Variants in EYS observed in about 807,000 individuals in gnomAD.
The protein encoded by EYS is protein eyes shut homolog.
A neutral mutation model predicts 282.1 loss-of-function variants in EYS; 250 were observed. The ratio of observed to expected loss-of-function variants is 0.89; its 90% CI spans 0.80 to 0.98. The LOEUF (loss-of-function observed/expected upper bound fraction) is 0.98, where lower values mean the gene tolerates loss of function less well. Ranked by LOEUF, EYS falls within the 50% of genes least tolerant of loss-of-function variation. EYS has a pLI of 0.00. For synonymous variants in EYS, 1,355 were observed against 1,282.9 expected, an observed-to-expected ratio of 1.06 and a Z score of -1.20; for missense variants, 4,016 against 3,709.0, an observed-to-expected ratio of 1.08 and a Z score of -2.15.
At chr6:65,026,428 G>A (rs1772409900) in intron 13 of EYS, among the ~76,000 whole-genome samples, 1 of 152,006 alleles carries the variant, frequency 6.6e-6, no homozygotes, top group Non-Finnish European at 1.5e-5. Context: ...AGGGACTCAT[G>A]AAAAAAAGAC....
chr6:64,488,530 C>T (rs1190978484), intron 26 of EYS, among the ~76,000 whole-genome samples: 1 of 151,064 alleles, frequency 6.6e-6, no homozygotes, highest in African/African-American at 2.4e-5. Context: ...ATTTATAAGA[C>T]ACTCTGCCAT....
intron 29 of EYS, among the ~76,000 whole-genome samples, chr6:64,333,147 A>C (rs934956424): frequency 6.6e-6 from 1 of 151,450 alleles, no homozygotes. Context: ...GTGATCCTGG[A>C]AACAGGCAGC....
intron 22 of EYS, among the ~76,000 whole-genome samples, chr6:64,652,176 A>G (rs578081397): frequency 3.9e-4 from 59 of 152,244 alleles, no homozygotes; most frequent in Non-Finnish European, 6.8e-4. Context: ...ACAGTCATGT[A>G]TATAATCTTC....
intron 2 of EYS, among the ~76,000 whole-genome samples, chr6:65,578,346 T>C (rs1025912246): frequency 4.6e-5 from 7 of 151,754 alleles, no homozygotes; most frequent in African/African-American, 1.7e-4. Context: ...AAATACTGCA[T>C]GATCCTACTT....
At position 64,822,701 on chromosome 6, in the gene EYS, G is replaced by C; in HGVS notation, c.3114C>G (p.His1038Gln). The C allele has an allele frequency of 6.5e-7, 1 of 1,548,544 alleles. No homozygotes were observed. Among genetic ancestry groups the C allele is most frequent in the Non-Finnish European group, 8.7e-7 (1 of 1,145,644 alleles). The change falls in exon 20 of 43, where the codon CAC (histidine) becomes CAG (glutamine). Residue 1038 changes from histidine to glutamine, a missense_variant. Transcript: ENST00000503581. ...GGCAATCATTGGCGTTTGTTTCACA[G>C]TGTGTTCCAAAAAACCCACTCTTGC... ...CDCKSGFFGT[H>Q]CETNANDCLS... is the part of the protein sequence containing the mutation.
chr6:65,153,363 ATGTGTGTG>A (rs67661407), intron 12 of EYS, among the ~76,000 whole-genome samples: 16,565 of 135,712 alleles, frequency 0.12, 1,133 homozygotes, highest in African/African-American at 0.19. Context: ...GAGATCATAA[ATGTGTGTG>A]TGTGTGTGTG....
intron 35 of EYS, among the ~76,000 whole-genome samples, chr6:63,942,785 G>A (rs1309399280): frequency 6.6e-6 from 1 of 152,022 alleles, no homozygotes; most frequent in Non-Finnish European, 1.5e-5. Context: ...TGTCTCTCCT[G>A]CCTCCCCTTC....
rs191691487 is a variant in EYS at position 64,285,366 on chromosome 6, G to A, written c.6191+21604C>T. Among the ~76,000 whole-genome samples the A allele has an allele frequency of 2.8e-3, 422 of 152,240 alleles. 2 individuals carry two copies. The highest frequency in any genetic ancestry group is 9.1e-3 in the African/African-American group (378 of 41,542). On this transcript the variant is annotated intron_variant, in intron 30 of 42. Coordinates refer to ENST00000503581, the MANE Select transcript of EYS (RefSeq NM_001142800.2). ...ATCTCTAGGGCAGGGGCAAAATGCC[G>A]CCAGTCTCTTTGATAAAACATAACA...
intron 33 of EYS, among the ~76,000 whole-genome samples, chr6:64,046,683 G>T (rs190785467): frequency 6.6e-6 from 1 of 152,034 alleles, no homozygotes; most frequent in African/African-American, 2.4e-5. Context: ...CAACTGAATT[G>T]TAAGTGCTGC....
chr6:65,590,008 C>T (rs571416058), intron 2 of EYS, among the ~76,000 whole-genome samples: 15 of 151,812 alleles, frequency 9.9e-5, no homozygotes, highest in African/African-American at 2.2e-4. Context: ...GCAAAATGAA[C>T]GCGTTGGACA....
intron 29 of EYS, among the ~76,000 whole-genome samples, chr6:64,310,753 A>G (rs1006049118): frequency 5.8e-5 from 7 of 119,690 alleles, no homozygotes; most frequent in African/African-American, 1.6e-4. Context: ...AAGAAAAAAC[A>G]TATTTTAAAA....
Position 64,465,510 on chromosome 6 carries a change from C to A in EYS, c.5645-26158G>T, listed in dbSNP as rs143807243. Among the ~76,000 whole-genome samples the A allele has an allele frequency of 1.3e-3, 196 of 152,182 alleles. 1 individual carries two copies. The highest frequency in any genetic ancestry group is 1.1e-3 in the Non-Finnish European group (73 of 67,932). ...AAAGATGTCAAGGAAAGAATGATAT[C>A]TTTTATAAATGGTGTTGAGGAAAGT... On this transcript the variant is annotated intron_variant, in intron 26 of 42. Coordinates refer to ENST00000503581, the MANE Select transcript of EYS (RefSeq NM_001142800.2).
In EYS at chr6:64,230,620, T is replaced by C. The variant is rs1442251335; in HGVS notation, c.6396A>G (p.Leu2132=). 30 of 1,551,082 alleles carry C rather than the reference T, an allele frequency of 1.9e-5. No individual in the cohort carries two copies. The highest frequency in any genetic ancestry group is 1.7e-5 in the Non-Finnish European group (19 of 1,146,550). Residue 2132 remains leucine (L), a synonymous_variant, in exon 31 of 43, where the codon CTA becomes CTG. Coordinates refer to ENST00000503581, the MANE Select transcript of EYS (RefSeq NM_001142800.2). The stretch of plus-strand genomic sequence containing the variant: ...TTTCACAGAAGCGGCCAGTGAAATG[T>C]AGTGGACAGTCACATTGGAATGACA... The part of the protein sequence containing the change: ...GIVSFQCDCP[L]HFTGRFCEKD...
chr6:64,800,104 A>G (rs1479864905), intron 22 of EYS, among the ~76,000 whole-genome samples: 3 of 152,048 alleles, frequency 2.0e-5, no homozygotes, highest in African/African-American at 7.2e-5. Context: ...AGAAATCAAA[A>G]TCATGCTTTT....
At chr6:65,018,944 T>G (rs1402527340) in intron 13 of EYS, among the ~76,000 whole-genome samples, 1 of 152,140 alleles carries the variant, frequency 6.6e-6, no homozygotes, top group East Asian at 1.9e-4. Flanking sequence ...AAAATTGACC[T>G]TACTGTATGA....
chr6:64,941,706 T>C (rs913292582), intron 15 of EYS, among the ~76,000 whole-genome samples: 52 of 152,054 alleles, frequency 3.4e-4, no homozygotes, highest in African/African-American at 1.2e-3. Context: ...TGAGAACATA[T>C]GATATTTGGT....
intron 22 of EYS, among the ~76,000 whole-genome samples, chr6:64,649,669 C>T (rs925910335): frequency 2.0e-5 from 3 of 152,108 alleles, no homozygotes; most frequent in Admixed American, 2.0e-4. Context: ...ATCATAATTG[C>T]TTCTCATTTT....
intron 26 of EYS, among the ~76,000 whole-genome samples, chr6:64,515,767 G>A (rs1777541574): frequency 6.6e-6 from 1 of 151,328 alleles, no homozygotes; most frequent in Non-Finnish European, 1.5e-5. Context: ...TTTTTAAAAT[G>A]AAGGCATAAA....
chr6:64,332,619 C>A (rs1438676033), intron 29 of EYS, among the ~76,000 whole-genome samples: 20 of 152,124 alleles, frequency 1.3e-4, no homozygotes, highest in Admixed American at 1.3e-3. Context: ...CCCAGACCAC[C>A]TGACACGGCT....
Sources: allele counts gnomAD v4.1 joint callset (sites outside exome capture counted in the v4.1 genomes callset), GRCh38; gene constraint gnomAD v4.1.1; transcripts MANE v1.5; gene names NCBI Gene and HGNC (gene_info 2026-07-23, HGNC 2026-07-21).